Variants in CYTH1 observed in about 807,000 individuals in gnomAD.
CYTH1 encodes cytohesin-1.
Under a neutral mutation model 61.8 loss-of-function variants are expected in CYTH1, and 18 were observed. The observed-to-expected ratio is 0.29, with a 90% CI of 0.20 to 0.43. CYTH1 has a LOEUF of 0.43. CYTH1 is among the 20% of genes least tolerant of loss of function. CYTH1 has a pLI of 1.00. For missense variants in CYTH1, 336 were observed against 510.5 expected (o/e 0.66, Z 3.29); for synonymous variants, 174 against 184.3 (o/e 0.94, Z 0.45).
intron 1 of CYTH1, among the ~76,000 whole-genome samples, chr17:78,758,078 C>T (rs2093408939): frequency 6.6e-6 from 1 of 152,250 alleles, no homozygotes; most frequent in African/African-American, 2.4e-5. Flanking sequence ...ACTCCCTAAC[C>T]CAGTAAGTCC....
In CYTH1 at chr17:78,674,667, A is replaced by T. The variant is rs1126615; in HGVS notation, c.*1424T>A. ...CCGCAGCTCCTCCACCTGCCTCCTCAGGGCTGCGCCCTGCACCGCCCTGGT... is the reference window on the plus strand; with the variant it reads ...CCGCAGCTCCTCCACCTGCCTCCTCTGGGCTGCGCCCTGCACCGCCCTGGT... On this transcript the variant is annotated 3_prime_UTR_variant, in exon 14 of 14. Coordinates refer to ENST00000446868, the MANE Select transcript of CYTH1 (RefSeq NM_004762.6). 1 of 152,370 alleles carries T rather than the reference A, an allele frequency of 6.6e-6. No individual in the cohort carries two copies. The highest frequency in any genetic ancestry group is 1.5e-5 in the Non-Finnish European group (1 of 68,190). 9.4% of individuals were successfully genotyped at this position (152,370 alleles called of 1,614,324 possible).
chr17:78,732,652 T>C (rs1487608532), intron 1 of CYTH1, among the ~76,000 whole-genome samples: 1 of 152,122 alleles, frequency 6.6e-6, no homozygotes, highest in Non-Finnish European at 1.5e-5. Context: ...TTCTGCAAAA[T>C]ACAAAATCCA....
chr17:78,752,519 G>A (rs185448292), intron 1 of CYTH1, among the ~76,000 whole-genome samples: 313 of 152,204 alleles, frequency 2.1e-3, no homozygotes, highest in African/African-American at 5.6e-3. Flanking sequence ...CACAACCTCC[G>A]TCTCCTGGGT....
At chr17:78,737,767 A>G (rs1014822647) in intron 1 of CYTH1, among the ~76,000 whole-genome samples, 2 of 152,148 alleles carry the variant, frequency 1.3e-5, no homozygotes, top group African/African-American at 4.8e-5. Context: ...CAAGGAAAAA[A>G]AACACCTTAA....
At chr17:78,749,157 T>A (rs1382657806) in intron 1 of CYTH1, among the ~76,000 whole-genome samples, 1 of 152,114 alleles carries the variant, frequency 6.6e-6, no homozygotes. Context: ...ATCCCAGCAC[T>A]TTGGGAGGCC....
chr17:78,715,708 G>A (rs1345974883), intron 1 of CYTH1, among the ~76,000 whole-genome samples: 3 of 152,158 alleles, frequency 2.0e-5, no homozygotes, highest in Non-Finnish European at 4.4e-5. Context: ...CCCGAGTGGT[G>A]TCCTCTGGGC....
chr17:78,760,487 A>T (rs1336852512), intron 1 of CYTH1, among the ~76,000 whole-genome samples: 1 of 50,314 alleles, frequency 2.0e-5, no homozygotes, highest in Non-Finnish European at 3.7e-5. Context: ...ATATGTATGT[A>T]TATATATATA....
At chr17:78,770,795 G>T (rs934451659) in intron 1 of CYTH1, among the ~76,000 whole-genome samples, 1 of 152,134 alleles carries the variant, frequency 6.6e-6, no homozygotes, top group African/African-American at 2.4e-5. Context: ...TGCCAGGTAA[G>T]GGCACGCTTC....
intron 9 of CYTH1, chr17:78,696,773 G>GT (rs1450641826): frequency 6.6e-6 from 1 of 152,174 alleles, no homozygotes; most frequent in African/African-American, 2.4e-5. Context: ...TCTAATTTTA[G>GT]TATCTGGGCT....
chr17:78,726,828 T>C (rs1379690176), intron 1 of CYTH1, among the ~76,000 whole-genome samples: 1 of 152,152 alleles, frequency 6.6e-6, no homozygotes. Context: ...CTGGAAGCTT[T>C]GCGTAGTCTT....
intron 9 of CYTH1, 55 bp downstream of exon 9, chr17:78,698,211 ACAC>A: frequency 7.0e-7 from 1 of 1,420,618 alleles, no homozygotes; most frequent in Middle Eastern, 1.9e-4. Context: ...ACACGCACAC[ACAC>A]CGCCTTTCTT....
chr17:78,703,136 G>A (rs899443237), intron 3 of CYTH1, among the ~76,000 whole-genome samples: 2 of 151,418 alleles, frequency 1.3e-5, no homozygotes, highest in Non-Finnish European at 2.9e-5. Flanking sequence ...AGGGTAGGCC[G>A]GGCACAGTGG....
chr17:78,700,401 C>T lies in CYTH1; in HGVS notation c.480G>A (p.Lys160=). ...WSFRLPGEAQ[K]IDRMMEAFAQ... is the part of the protein sequence containing the mutation. ...CAAACGCCTCCATCATCCGGTCGATCTTCTGGGCCTCTCCGGGTAGCCGGA... is the reference window on the plus strand; with the variant it reads ...CAAACGCCTCCATCATCCGGTCGATTTTCTGGGCCTCTCCGGGTAGCCGGA... Residue 160 remains lysine, a synonymous_variant, in exon 7 of 14, where the codon AAG becomes AAA. Transcript: ENST00000446868. This position sits in a 1 kb window ranked among gnomAD's most constrained non-coding sequence, Gnocchi z 5.1. 6.2e-7 allele frequency: 1 copy of T among 1,613,704 alleles called. No individual in the cohort carries two copies. Among genetic ancestry groups the T allele is most frequent in the Non-Finnish European group, 8.5e-7 (1 of 1,179,778 alleles).
intron 1 of CYTH1, among the ~76,000 whole-genome samples, chr17:78,736,405 G>A (rs527454911): frequency 6.6e-6 from 1 of 151,346 alleles, no homozygotes; most frequent in East Asian, 1.9e-4. Context: ...CTCTCTTCTC[G>A]CTCTTTCTCT....
At chr17:78,747,145 C>CAAAAAAAAA (rs56201341) in intron 1 of CYTH1, among the ~76,000 whole-genome samples, 20 of 57,816 alleles carry the variant, frequency 3.5e-4, no homozygotes, top group African/African-American at 4.4e-4. Context: ...ATGGCAGCGC[C>CAAAAAAAAA]AAAAAAAAAA....
At chr17:78,774,108 G>T (rs748143881) in intron 1 of CYTH1, among the ~76,000 whole-genome samples, 1 of 152,158 alleles carries the variant, frequency 6.6e-6, no homozygotes, top group Non-Finnish European at 1.5e-5. Context: ...GGGCACATTT[G>T]CACTATTACA....
rs1369825845 is a variant in CYTH1, at chr17:78,700,125, G to A, written c.550+206C>T. Reference sequence around the variant, plus strand: ...ATGGTTTTTAATAGCTGTGTATTTCGTAGTTCAGAGGTACCACAATTTAAA... The same window carrying A: ...ATGGTTTTTAATAGCTGTGTATTTCATAGTTCAGAGGTACCACAATTTAAA... On this transcript the variant is annotated intron_variant, in intron 7 of 13. Coordinates refer to ENST00000446868, the MANE Select transcript of CYTH1 (RefSeq NM_004762.6). The surrounding 1 kb of genome is among the most constrained non-coding windows in gnomAD (Gnocchi z 5.1). Among the ~76,000 whole-genome samples, 1 of 152,132 alleles carries A rather than the reference G, an allele frequency of 6.6e-6. No individual in the cohort carries two copies. The highest frequency in any genetic ancestry group is 2.4e-5 in the African/African-American group (1 of 41,408).
chr17:78,733,453 CTCT>C (rs1567866214), intron 1 of CYTH1, among the ~76,000 whole-genome samples: 1 of 152,196 alleles, frequency 6.6e-6, no homozygotes, highest in Non-Finnish European at 1.5e-5. Context: ...GCATCCTCAG[CTCT>C]TTTTTTTTTC....
intron 13 of CYTH1, chr17:78,676,387 A>C (rs2092699367): frequency 1.8e-6 from 1 of 561,068 alleles, no homozygotes; most frequent in Non-Finnish European, 3.1e-6. Context: ...GTGACAAGAA[A>C]ATTTTGGGGT....
Sources: gnomAD v4.1 joint callset for allele counts (sites outside exome capture counted in the v4.1 genomes callset) on GRCh38, gnomAD v4.1.1 for gene constraint, Gnocchi (gnomAD v3.1) non-coding constraint, MANE v1.5 for transcripts, NCBI Gene and HGNC (gene_info 2026-07-23, HGNC 2026-07-21) for gene names.